PTK2: variants seen among roughly 807,000 people sequenced by gnomAD.
PTK2 encodes protein tyrosine kinase 2.
PTK2 carries 45 observed loss-of-function variants against 150.1 expected under a neutral mutation model. The observed-to-expected ratio is 0.30, with a 90% confidence interval of 0.24 to 0.38. The LOEUF is 0.38. Among genes scored for constraint, PTK2 ranks in the 10% least tolerant of loss-of-function variants. The probability of loss-of-function intolerance (pLI) is 1.00; values close to 1 mark genes in which losing one functional copy is unlikely to be tolerated. For synonymous variants in PTK2, 432 were observed against 449.2 expected, an observed-to-expected ratio of 0.96 and a Z score of 0.48; for missense variants, 919 against 1,307.3, an observed-to-expected ratio of 0.70 and a Z score of 4.58.
At chr8:140,772,366 T>TGG (rs1214928785) in intron 14 of PTK2, among the ~76,000 whole-genome samples, 1 of 152,166 alleles carries the variant, frequency 6.6e-6, no homozygotes, top group Non-Finnish European at 1.5e-5. Flanking sequence ...AGGTAGAGCC[T>TGG]GGACCACAGA....
At chr8:140,790,757 T>A (rs559923636) in intron 13 of PTK2, among the ~76,000 whole-genome samples, 10 of 152,384 alleles carry the variant, frequency 6.6e-5, no homozygotes, top group African/African-American at 2.4e-4. Flanking sequence ...ATCTTTAGTA[T>A]AAAAATTTAA....
At chr8:140,674,233 A>T (rs758865633) in intron 29 of PTK2, 65 bp downstream of exon 32, 1 of 1,441,526 alleles carries the variant, frequency 6.9e-7, no homozygotes, top group South Asian at 1.2e-5. Flanking sequence ...GAACACATCA[A>T]CTGAGAACTA....
intron 1 of PTK2, chr8:140,984,149 C>G (rs1453321026): frequency 1.3e-5 from 2 of 151,284 alleles, no homozygotes; most frequent in African/African-American, 5.0e-5. Flanking sequence ...GGTGACACAG[C>G]AAGACTCTGT....
At chr8:140,961,901 T>C (rs970185810) in intron 1 of PTK2, among the ~76,000 whole-genome samples, 5 of 152,088 alleles carry the variant, frequency 3.3e-5, no homozygotes, top group Admixed American at 1.3e-4. Context: ...ACTGGAGTGG[T>C]GGTGTTTTAG....
At chr8:140,753,140 G>A (rs2100063768) in intron 16 of PTK2, among the ~76,000 whole-genome samples, 1 of 152,204 alleles carries the variant, frequency 6.6e-6, no homozygotes, top group African/African-American at 2.4e-5. Context: ...GACACAGGGA[G>A]TTCTGCGGGT....
At chr8:140,862,835 C>A (rs2100137044) in intron 5 of PTK2, among the ~76,000 whole-genome samples, 3 of 152,184 alleles carry the variant, frequency 2.0e-5, no homozygotes, top group Non-Finnish European at 1.5e-5. Flanking sequence ...TTCCCCCACA[C>A]CCCACCCTGC....
chr8:140,959,538 CAAA>C (rs34010616), intron 1 of PTK2, among the ~76,000 whole-genome samples: 4 of 85,052 alleles, frequency 4.7e-5, no homozygotes, highest in African/African-American at 5.3e-5. Flanking sequence ...GACTCTGTCT[CAAA>C]AAAAAAAAAA....
chr8:140,883,136 C>T (rs1021214210), intron 3 of PTK2, among the ~76,000 whole-genome samples: 1 of 152,182 alleles, frequency 6.6e-6, no homozygotes, highest in African/African-American at 2.4e-5. Flanking sequence ...ATGACCTTCA[C>T]CACTGTTCGA....
At chr8:140,882,051 A>T (rs2100149432) in intron 3 of PTK2, among the ~76,000 whole-genome samples, 1 of 152,118 alleles carries the variant, frequency 6.6e-6, no homozygotes, top group Non-Finnish European at 1.5e-5. Context: ...AAACACACAG[A>T]TATTACCTTC....
At chr8:140,866,079 C>T (rs576161319) in intron 4 of PTK2, among the ~76,000 whole-genome samples, 1 of 152,294 alleles carries the variant, frequency 6.6e-6, no homozygotes, top group South Asian at 2.1e-4. Context: ...GTGTGAGCCA[C>T]CACATCTGGC....
At chr8:140,892,996 T>C (rs1337896449) in intron 2 of PTK2, among the ~76,000 whole-genome samples, 1 of 152,186 alleles carries the variant, frequency 6.6e-6, no homozygotes, top group Admixed American at 6.5e-5. Context: ...CATTTCTAGG[T>C]AGACATATGC....
exon 30 of PTK2, chr8:140,668,403 G>T (rs2093652297): frequency 4.3e-6 from 7 of 1,612,402 alleles, no homozygotes; most frequent in Non-Finnish European, 5.9e-6. Context: ...GTAGGAGGGG[G>T]GCTGATTTCC....
intron 29 of PTK2, among the ~76,000 whole-genome samples, chr8:140,671,958 C>T (rs2095563525): frequency 6.6e-6 from 1 of 151,002 alleles, no homozygotes; most frequent in Non-Finnish European, 1.5e-5. Context: ...GGAATCTTTA[C>T]TTAATATATT....
chr8:140,874,685 A>G (rs2100144533), intron 4 of PTK2, among the ~76,000 whole-genome samples: 2 of 152,190 alleles, frequency 1.3e-5, no homozygotes, highest in Non-Finnish European at 2.9e-5. Flanking sequence ...TACCTACATG[A>G]TAAGACTATC....
chr8:140,878,198 T>C (rs73714772), intron 4 of PTK2, among the ~76,000 whole-genome samples: 3,343 of 152,348 alleles, frequency 0.022, 131 homozygotes, highest in African/African-American at 0.077. Context: ...TGAAACTATA[T>C]TCTCAAGGAG....
At chr8:140,706,239 C>G (rs2100033713) in intron 23 of PTK2, 34 bp from the exon 27 acceptor site, 1 of 1,523,314 alleles carries the variant, frequency 6.6e-7, no homozygotes, top group Non-Finnish European at 9.1e-7. Context: ...ATGAATGAAC[C>G]TTTTGATTTT....
At chr8:140,669,301 G>GGATATATATATA (rs1554641613) in intron 29 of PTK2, 1 of 97,984 alleles carries the variant, frequency 1.0e-5, no homozygotes, top group Non-Finnish European at 1.9e-5. Flanking sequence ...GCATAAAATG[G>GGATATATATATA]TATATATATA....
intron 1 of PTK2, among the ~76,000 whole-genome samples, chr8:140,982,803 G>A (rs1168195647): frequency 6.6e-6 from 1 of 152,162 alleles, no homozygotes; most frequent in East Asian, 1.9e-4. Flanking sequence ...TTTTAAGTAT[G>A]AACCAGTACC....
At position 140,978,703 on chromosome 8, in the gene PTK2, T is replaced by C. The variant is rs1381221615; in HGVS notation, c.-122+22422A>G. ...TCAACCATTGTGGAAGTCAGTGTGG[T>C]GATTCCTCAGGGATCTAGAACCAGA... On this transcript the variant is annotated intron_variant, in intron 1 of 31. Transcript: ENST00000522684. Among the ~76,000 whole-genome samples, 587 of 151,726 alleles carry C rather than the reference T, an allele frequency of 3.9e-3. 3 individuals carry two copies. Among genetic ancestry groups the C allele is most frequent in the African/African-American group, 0.013 (551 of 41,302 alleles).
Sources: gnomAD v4.1 joint callset for allele counts (sites outside exome capture counted in the v4.1 genomes callset) on GRCh38, gnomAD v4.1.1 for gene constraint, MANE v1.5 for transcripts, NCBI Gene and HGNC (gene_info 2026-07-23, HGNC 2026-07-21) for gene names.